Variants in YTHDC2 observed in about 807,000 individuals in gnomAD.
YTHDC2 encodes YTH N6-methyladenosine RNA binding protein C2.
Under a neutral mutation model 174.9 loss-of-function variants are expected in YTHDC2, and 45 were observed. The observed-to-expected ratio is 0.26, with a 90% CI of 0.20 to 0.33. YTHDC2 has a LOEUF of 0.33. Among genes scored for constraint, YTHDC2 ranks in the 10% least tolerant of loss-of-function variants. The pLI, the probability that YTHDC2 is intolerant of heterozygous loss-of-function variation, is 1.00. For synonymous variants in YTHDC2, 657 were observed against 574.5 expected, an observed-to-expected ratio of 1.14 and a Z score of -2.05; for missense variants, 1,650 against 1,723.7, an observed-to-expected ratio of 0.96 and a Z score of 0.76.
At chr5:113,521,680 G>T (rs150794416) in intron 2 of YTHDC2, among the ~76,000 whole-genome samples, 1 of 150,480 alleles carries the variant, frequency 6.6e-6, no homozygotes, top group Non-Finnish European at 1.5e-5. Context: ...GCAGTGAGCC[G>T]AGATCGTGCC....
chr5:113,541,266 A>G, intron 9 of YTHDC2, 150 bp downstream of exon 9: 1 of 868,056 alleles, frequency 1.2e-6, no homozygotes, highest in Non-Finnish European at 1.8e-6. Flanking sequence ...ATCTCGGCTC[A>G]CTGCAAGCTC....
Position 113,525,171 on chromosome 5 carries a change from G to A in YTHDC2, c.469G>A (p.Glu157Lys). The change falls in exon 3 of 30, where the codon GAA (glutamate) becomes AAA (lysine). Residue 157 changes from glutamate (E) to lysine (K), a missense_variant. Glu to Lys is a moderately conservative substitution (Grantham distance 56). Transcript: ENST00000161863. ...KTERGNVFAV[E>K]AENREMSKTS... Reference sequence around the variant, plus strand: ...AGAAAGAGGAAATGTGTTTGCAGTTGAAGCTGGTATGTATTTTCTGGGGAG... The same window carrying A: ...AGAAAGAGGAAATGTGTTTGCAGTTAAAGCTGGTATGTATTTTCTGGGGAG... 4 of 1,590,788 alleles carry A rather than the reference G, an allele frequency of 2.5e-6. No individual in the cohort carries two copies. Among genetic ancestry groups the A allele is most frequent in the Non-Finnish European group, 3.4e-6 (4 of 1,171,116 alleles).
At chr5:113,563,525 AT>A in intron 19 of YTHDC2, 33 bp downstream of exon 19, 1 of 1,545,684 alleles carries the variant, frequency 6.5e-7, no homozygotes, top group Non-Finnish European at 8.7e-7. Context: ...TTTACATGAC[AT>A]TTTTACTTGA....
intron 18 of YTHDC2, among the ~76,000 whole-genome samples, chr5:113,562,262 T>C (rs1433217971): frequency 1.5e-5 from 2 of 136,156 alleles, no homozygotes; most frequent in Non-Finnish European, 3.1e-5. Flanking sequence ...CCTGTATTAA[T>C]TGTGGGTGTG....
At chr5:113,561,955 T>TGG (rs200157844) in intron 18 of YTHDC2, among the ~76,000 whole-genome samples, 212 of 134,856 alleles carry the variant, frequency 1.6e-3, no homozygotes, top group African/African-American at 4.8e-3. Flanking sequence ...CTATTAATTG[T>TGG]GGGTGTGTGT....
At chr5:113,580,824 T>C (rs1561702294) in intron 24 of YTHDC2, among the ~76,000 whole-genome samples, 1 of 152,190 alleles carries the variant, frequency 6.6e-6, no homozygotes, top group Non-Finnish European at 1.5e-5. Flanking sequence ...TACTGTAACA[T>C]TAATCTTTCT....
chr5:113,534,453 A>T, intron 6 of YTHDC2, 46 bp downstream of exon 6: 1 of 1,524,814 alleles, frequency 6.6e-7, no homozygotes, highest in Non-Finnish European at 9.1e-7. Context: ...GATTGCTTAA[A>T]ATTTAAATAC....
At chr5:113,587,994 T>C (rs1343319134) in intron 26 of YTHDC2, among the ~76,000 whole-genome samples, 1 of 152,094 alleles carries the variant, frequency 6.6e-6, no homozygotes, top group Non-Finnish European at 1.5e-5. Context: ...AATTTCTCCC[T>C]AAGTATTTAA....
Position 113,564,631 on chromosome 5 carries a change from G to A in YTHDC2, c.2715+500G>A, listed in dbSNP as rs530513038. On this transcript the variant is annotated intron_variant, in intron 20 of 29. Coordinates refer to ENST00000161863, the MANE Select transcript of YTHDC2 (RefSeq NM_022828.5). ...TCACTTAAAAACCTTTTAAGATAAT[G>A]GTAATGGCAAGTTGAGGAAAGAGGC... is the stretch of plus-strand genomic sequence containing the variant. Among the ~76,000 whole-genome samples the A allele has an allele frequency of 8.5e-3, 1,291 of 152,202 alleles. 6 individuals are homozygous for A. The highest frequency in any genetic ancestry group is 0.013 in the Non-Finnish European group (863 of 68,020).
chr5:113,559,064 T>C (rs1159654317), intron 17 of YTHDC2, among the ~76,000 whole-genome samples: 6 of 151,892 alleles, frequency 4.0e-5, no homozygotes, highest in Non-Finnish European at 2.9e-5. Context: ...GAGAGGGTAG[T>C]GTAAGAAGAG....
chr5:113,541,261 G>A (rs538063315), intron 9 of YTHDC2, 145 bp downstream of exon 9: 11 of 892,080 alleles, frequency 1.2e-5, no homozygotes, highest in Non-Finnish European at 1.9e-5. Context: ...GCGTGATCTC[G>A]GCTCACTGCA....
At chr5:113,544,719 C>T (rs1775735963) in intron 10 of YTHDC2, among the ~76,000 whole-genome samples, 1 of 151,052 alleles carries the variant, frequency 6.6e-6, no homozygotes, top group Non-Finnish European at 1.5e-5. Context: ...GCTGACTGTA[C>T]CTATTACTTC....
intron 23 of YTHDC2, among the ~76,000 whole-genome samples, chr5:113,571,803 A>G (rs915316622): frequency 2.6e-5 from 4 of 152,028 alleles, no homozygotes; most frequent in East Asian, 1.9e-4. Flanking sequence ...TTGTATTCCC[A>G]TGGGGTCAGT....
chr5:113,568,017 T>A (rs1777461306), intron 23 of YTHDC2, among the ~76,000 whole-genome samples, 168 bp downstream of exon 23: 1 of 152,126 alleles, frequency 6.6e-6, no homozygotes, highest in Non-Finnish European at 1.5e-5. Context: ...ATACTACTGT[T>A]TTTGAAATTT....
At position 113,553,263 on chromosome 5, in the gene YTHDC2, C is replaced by T. The variant is rs755793099; in HGVS notation, c.1771C>T (p.Leu591Phe). ...TGACCTCAGTGCTGAAGACAGAGAG[C>T]TCCTGAAAGCTTATCATCATAGTTT... Reference protein sequence around the residue: ...GSDLSAEDRELLKAYHHSFDD... With the variant: ...GSDLSAEDREFLKAYHHSFDD... Residue 591 changes from leucine to phenylalanine, a missense_variant, in exon 13 of 30, where the codon CTC becomes TTC. Transcript: ENST00000161863. 6.2e-7 allele frequency: 1 copy of T among 1,607,602 alleles called. No homozygotes were observed. Among genetic ancestry groups the T allele is most frequent in the Non-Finnish European group, 8.5e-7 (1 of 1,177,722 alleles).
In YTHDC2 at chr5:113,513,863, G is replaced by C. The variant is rs775261947; in HGVS notation, c.-33G>C. 6.4e-7 allele frequency: 1 copy of C among 1,560,372 alleles called. No homozygotes were observed. The highest frequency in any genetic ancestry group is 1.4e-5 in the African/African-American group (1 of 72,146). ...TGGCTGTCAGCTAGCAGGCCTGGCC[G>C]CTCCCGTGCGGAGAGACCATCTCTT... On this transcript the variant is annotated 5_prime_UTR_variant, in exon 1 of 30. Transcript: ENST00000161863.
intron 3 of YTHDC2, among the ~76,000 whole-genome samples, chr5:113,526,077 C>T (rs1038939127): frequency 6.6e-6 from 1 of 152,056 alleles, no homozygotes; most frequent in Non-Finnish European, 1.5e-5. Context: ...ATCACTTAAT[C>T]TTACATGTAT....
intron 18 of YTHDC2, among the ~76,000 whole-genome samples, chr5:113,561,471 ATAT>A (rs1776964338): frequency 7.6e-6 from 1 of 131,666 alleles, no homozygotes; most frequent in African/African-American, 3.5e-5. Context: ...CTATCTATCT[ATAT>A]TTTTTTTTTT....
At chr5:113,588,087 G>T (rs552943011) in intron 26 of YTHDC2, among the ~76,000 whole-genome samples, 31 of 152,030 alleles carry the variant, frequency 2.0e-4, no homozygotes, top group South Asian at 8.3e-4. Flanking sequence ...TTGTATATCT[G>T]CCCTGAATCC....
Sources: gnomAD v4.1 joint callset for allele counts (sites outside exome capture counted in the v4.1 genomes callset) on GRCh38, gnomAD v4.1.1 for gene constraint, MANE v1.5 for transcripts, NCBI Gene and HGNC (gene_info 2026-07-23, HGNC 2026-07-21) for gene names.